TTC6: variants seen among roughly 807,000 people sequenced by gnomAD.
TTC6 encodes tetratricopeptide repeat domain 6, also known as tetratricopeptide repeat protein 6.
A neutral mutation model predicts 210.4 loss-of-function variants in TTC6; 172 were observed. The ratio of observed to expected loss-of-function variants is 0.82; its 90% CI spans 0.72 to 0.93. The LOEUF is 0.93. Ranked by LOEUF, TTC6 falls within the 40% of genes least tolerant of loss-of-function variation. TTC6 has a pLI of 0.00. For missense variants in TTC6, 2,414 were observed against 2,318.1 expected (o/e 1.04, Z -0.85); for synonymous variants, 804 against 819.6 (o/e 0.98, Z 0.32).
chr14:37,732,359 T>A lies in TTC6; in HGVS notation c.1819-3562T>A, dbSNP rs115840192. Among the ~76,000 whole-genome samples the A allele has an allele frequency of 8.8e-3, 1,334 of 150,792 alleles. 25 individuals are homozygous for A. Among genetic ancestry groups the A allele is most frequent in the African/African-American group, 0.031 (1,270 of 41,024 alleles). ...CACCACGCCTTGCTAATTTTTCGTATTTTTTAGTACAGATGGGGTTTCACC... is the reference window on the plus strand; with the variant it reads ...CACCACGCCTTGCTAATTTTTCGTAATTTTTAGTACAGATGGGGTTTCACC... On this transcript the variant is annotated intron_variant, in intron 7 of 30. Coordinates refer to ENST00000553443, the Ensembl canonical transcript of TTC6.
chr14:37,616,454 G>A (rs1023190103), intron 2 of TTC6, among the ~76,000 whole-genome samples: 1 of 152,128 alleles, frequency 6.6e-6, no homozygotes, highest in African/African-American at 2.4e-5. Flanking sequence ...TCCTGCTTTT[G>A]TTTACTCTGA....
At chr14:37,688,326 G>C (rs2095797617) in intron 3 of TTC6, among the ~76,000 whole-genome samples, 1 of 152,164 alleles carries the variant, frequency 6.6e-6, no homozygotes, top group Non-Finnish European at 1.5e-5. Context: ...TCTAGTCCCT[G>C]GCTCCTGGAT....
chr14:37,602,197 AG>A (rs2095616953), intron 1 of TTC6, among the ~76,000 whole-genome samples: 1 of 152,244 alleles, frequency 6.6e-6, no homozygotes, highest in African/African-American at 2.4e-5. Context: ...CCGGCCTCTT[AG>A]CTGGCCGTGG....
exon 31 of TTC6, chr14:37,842,330 G>C: frequency 6.8e-7 from 1 of 1,465,184 alleles, no homozygotes; most frequent in Non-Finnish European, 9.0e-7. Flanking sequence ...TTACACAGCT[G>C]TTCTCTCTGA....
intron 16 of TTC6, 37 bp from the exon 19 acceptor site, chr14:37,792,227 A>C: frequency 7.0e-7 from 1 of 1,432,834 alleles, no homozygotes; most frequent in Admixed American, 2.4e-5. Flanking sequence ...ATAATTAAAA[A>C]TGTTTAACAA....
chr14:37,649,690 G>A (rs890265216), intron 1 of TTC6, among the ~76,000 whole-genome samples: 4 of 152,114 alleles, frequency 2.6e-5, no homozygotes, highest in Admixed American at 1.3e-4. Flanking sequence ...GTAGAATATT[G>A]GGTATGTGAG....
chr14:37,787,789 C>T (rs35706871), intron 15 of TTC6, among the ~76,000 whole-genome samples, 152 bp downstream of exon 17: 5,104 of 151,912 alleles, frequency 0.034, 138 homozygotes, highest in Non-Finnish European at 0.052. Context: ...CATGAGCTTA[C>T]GCATTTTAAT....
At chr14:37,751,329 A>G (rs905199700) in intron 13 of TTC6, 104 bp downstream of exon 15, 14 of 727,862 alleles carry the variant, frequency 1.9e-5, no homozygotes, top group East Asian at 9.5e-5. Context: ...TATATATTAT[A>G]TAATCAAAAT....
chr14:37,824,627 T>C (rs1391026701), intron 27 of TTC6, among the ~76,000 whole-genome samples: 2 of 152,154 alleles, frequency 1.3e-5, no homozygotes, highest in Non-Finnish European at 2.9e-5. Flanking sequence ...CATCAAACAA[T>C]TAATCATATG....
chr14:37,759,530 C>A (rs12436270), intron 14 of TTC6, among the ~76,000 whole-genome samples: 1 of 151,990 alleles, frequency 6.6e-6, no homozygotes, highest in Non-Finnish European at 1.5e-5. Context: ...CTGTGTTTCC[C>A]GAATTTGAAT....
At chr14:37,749,095 G>T in exon 11 of TTC6, 1 of 1,535,672 alleles carries the variant, frequency 6.5e-7, no homozygotes, top group Non-Finnish European at 8.7e-7. Flanking sequence ...TTGATCCTCG[G>T]ACATGGGCTC....
intron 10 of TTC6, among the ~76,000 whole-genome samples, chr14:37,748,319 C>T (rs1360115504): frequency 6.6e-6 from 1 of 152,084 alleles, no homozygotes; most frequent in Admixed American, 6.6e-5. Context: ...TTTCTTATTC[C>T]GATAGACTGA....
chr14:37,732,454 A>G (rs2095889630), intron 7 of TTC6, among the ~76,000 whole-genome samples: 1 of 149,072 alleles, frequency 6.7e-6, no homozygotes, highest in Admixed American at 6.7e-5. Context: ...AAGTGCTGGG[A>G]TTACAGTCGT....
rs947389097 is a variant in TTC6, at chr14:37,790,545, G to A, written c.3437-172G>A. ...TTGTTACTAATAAATACATTTTAAT[G>A]TACAATACTATTATTTAACTTACCA... is the stretch of plus-strand genomic sequence containing the variant. On this transcript the variant is annotated intron_variant, in intron 15 of 30. Coordinates refer to ENST00000553443, the Ensembl canonical transcript of TTC6. Among the ~76,000 whole-genome samples, 3 of 152,038 alleles carry A rather than the reference G, an allele frequency of 2.0e-5. 1 individual carries two copies. The highest frequency in any genetic ancestry group is 4.1e-4 in the South Asian group (2 of 4,826).
At chr14:37,757,892 T>C (rs541067641) in intron 14 of TTC6, among the ~76,000 whole-genome samples, 12 of 152,328 alleles carry the variant, frequency 7.9e-5, no homozygotes, top group Non-Finnish European at 1.6e-4. Context: ...TTTGTTCTTA[T>C]TGCTTTCAAA....
At chr14:37,717,977 C>T (rs999320045) in intron 6 of TTC6, among the ~76,000 whole-genome samples, 10 of 152,294 alleles carry the variant, frequency 6.6e-5, no homozygotes, top group Admixed American at 2.6e-4. Context: ...TTCTGCCTTC[C>T]ACCATGTGAG....
At chr14:37,811,648 G>A (rs1176851470) in intron 24 of TTC6, among the ~76,000 whole-genome samples, 1 of 152,164 alleles carries the variant, frequency 6.6e-6, no homozygotes. Context: ...TGTTTAGTCA[G>A]TGAATGTAAA....
chr14:37,752,900 C>A (rs1054415011), intron 13 of TTC6, among the ~76,000 whole-genome samples, 199 bp from the exon 16 acceptor site: 1 of 151,712 alleles, frequency 6.6e-6, no homozygotes, highest in African/African-American at 2.4e-5. Context: ...TTAAAAAATA[C>A]TCCCTCTCTA....
At chr14:37,723,237 A>G (rs2138819912) in intron 6 of TTC6, among the ~76,000 whole-genome samples, 1 of 152,180 alleles carries the variant, frequency 6.6e-6, no homozygotes, top group Middle Eastern at 3.4e-3. Flanking sequence ...TCCTAGAATC[A>G]GCCATTTCAA....
Sources: allele counts gnomAD v4.1 joint callset (sites outside exome capture counted in the v4.1 genomes callset), GRCh38; gene constraint gnomAD v4.1.1; transcripts MANE v1.5; gene names NCBI Gene and HGNC (gene_info 2026-07-23, HGNC 2026-07-21).